Variants in ITGB3 observed in about 807,000 individuals in gnomAD.
ITGB3 encodes integrin subunit beta 3.
ITGB3 carries 48 observed loss-of-function variants against 85.8 expected under a neutral mutation model. The ratio of observed to expected loss-of-function variants is 0.56; its 90% confidence interval spans 0.44 to 0.71. The LOEUF is 0.71. Ranked by LOEUF, ITGB3 falls within the 30% of genes least tolerant of loss-of-function variation. The pLI is 0.00. For synonymous variants in ITGB3, 363 were observed against 395.6 expected (o/e 0.92, Z 0.98); for missense variants, 861 against 1,019.1 (o/e 0.84, Z 2.11).
intron 10 of ITGB3, among the ~76,000 whole-genome samples, chr17:47,298,734 G>A (rs546530405): frequency 1.3e-5 from 2 of 152,338 alleles, no homozygotes; most frequent in Admixed American, 6.5e-5. Context: ...ACCCAACTGG[G>A]TGGCCACGAT....
chr17:47,294,657 A>G (rs888210701), intron 10 of ITGB3, among the ~76,000 whole-genome samples: 5 of 152,162 alleles, frequency 3.3e-5, no homozygotes, highest in African/African-American at 9.7e-5. Context: ...TGCCATCATC[A>G]CATCCTCCAG....
intron 6 of ITGB3, among the ~76,000 whole-genome samples, chr17:47,288,059 C>T (rs2065110063): frequency 6.6e-6 from 1 of 151,522 alleles, no homozygotes; most frequent in African/African-American, 2.4e-5. Flanking sequence ...CTACCATGCC[C>T]AGCTAATTTT....
intron 10 of ITGB3, among the ~76,000 whole-genome samples, chr17:47,295,836 G>A (rs962612481): frequency 6.6e-6 from 1 of 152,194 alleles, no homozygotes; most frequent in Admixed American, 6.5e-5. Flanking sequence ...GAGGTTGGCC[G>A]ATAGCAGCTC....
chr17:47,288,226 G>A (rs2065111161), intron 6 of ITGB3, among the ~76,000 whole-genome samples: 3 of 140,810 alleles, frequency 2.1e-5, no homozygotes, highest in Admixed American at 7.2e-5. Flanking sequence ...GAGAGAGAGA[G>A]AGAGAGAGAG....
intron 1 of ITGB3, among the ~76,000 whole-genome samples, chr17:47,272,297 G>T (rs1035914194): frequency 6.7e-6 from 1 of 149,420 alleles, no homozygotes; most frequent in Admixed American, 6.6e-5. Flanking sequence ...CTCGTGATCC[G>T]CCGGTCTCGG....
chr17:47,299,192 A>C lies in ITGB3; in HGVS notation c.1691-116A>C. ...CTGGGTGGTGAGCCAATTCCCTGCC[A>C]ACCTGGAGGATCATTATCTGTGTGG... On this transcript the variant is annotated intron_variant, in intron 10 of 14. Transcript: ENST00000559488. The surrounding 1 kb of genome is among the most constrained non-coding windows in gnomAD (Gnocchi z 5.1). 1 of 1,057,496 alleles carries C rather than the reference A, an allele frequency of 9.5e-7. No individual in the cohort carries two copies. The highest frequency in any genetic ancestry group is 2.5e-5 in the East Asian group (1 of 40,152). The allele number at this position is 1,057,496 out of a possible 1,614,324, so 65.5% of individuals were successfully genotyped here. A position where few individuals can be genotyped will look rare whatever the true frequency, so the allele number is the denominator to read the frequency against.
At chr17:47,281,320 T>C (rs1214096860) in intron 2 of ITGB3, among the ~76,000 whole-genome samples, 1 of 152,140 alleles carries the variant, frequency 6.6e-6, no homozygotes, top group Non-Finnish European at 1.5e-5. Context: ...CGGGAGGGGT[T>C]TTCCAGCTTC....
At chr17:47,266,593 T>C (rs1567759965) in intron 1 of ITGB3, among the ~76,000 whole-genome samples, 2 of 152,190 alleles carry the variant, frequency 1.3e-5, no homozygotes, top group Non-Finnish European at 2.9e-5. Flanking sequence ...AAAAAACTTT[T>C]TTGAGGCAGG....
In ITGB3 at chr17:47,307,647, G is replaced by A. The variant is rs372761138; in HGVS notation, c.2301+10G>A. ...AGCAAAATGGGACACAGTAAGAGAC[G>A]GGGCTGGGCGTTTTCTAAAGTCATT... On this transcript the variant is annotated intron_variant, in intron 14 of 14. Transcript: ENST00000559488. 1.6e-5 allele frequency: 26 copies of A among 1,613,560 alleles called. No individual in the cohort carries two copies. In the African/African-American group the frequency reaches 2.1e-4, roughly 13 times the overall value.
intron 13 of ITGB3, chr17:47,303,844 C>A (rs938783487): frequency 2.0e-5 from 3 of 152,150 alleles, no homozygotes; most frequent in Admixed American, 6.6e-5. Context: ...TGCCAGTAGA[C>A]CCCTTCCCCC....
At chr17:47,298,860 C>T (rs1043416863) in intron 10 of ITGB3, among the ~76,000 whole-genome samples, 1 of 152,158 alleles carries the variant, frequency 6.6e-6, no homozygotes, top group Non-Finnish European at 1.5e-5. Flanking sequence ...CAAGTCACAC[C>T]GTCAAGGCTA....
intron 1 of ITGB3, among the ~76,000 whole-genome samples, chr17:47,255,483 G>T (rs2064985870): frequency 6.6e-6 from 1 of 151,788 alleles, no homozygotes; most frequent in Non-Finnish European, 1.5e-5. Context: ...GTGCAGTGGC[G>T]CGATTTCAGC....
At chr17:47,304,565 G>C (rs1414490547) in intron 13 of ITGB3, among the ~76,000 whole-genome samples, 2 of 152,244 alleles carry the variant, frequency 1.3e-5, no homozygotes, top group East Asian at 1.9e-4. Context: ...CTGAAATTCA[G>C]ATTTGTCTTG....
At chr17:47,269,141 A>G (rs942964553) in intron 1 of ITGB3, among the ~76,000 whole-genome samples, 5 of 152,198 alleles carry the variant, frequency 3.3e-5, no homozygotes, top group African/African-American at 1.2e-4. Flanking sequence ...CATAGCAGGG[A>G]GGCCCTGGGC....
Position 47,310,847 on chromosome 17 carries a change from G to C in ITGB3, c.*643G>C, listed in dbSNP as rs1598704994. 1 of 163,848 alleles carries C rather than the reference G, an allele frequency of 6.1e-6. No individual in the cohort carries two copies. The allele number at this position is 163,848 out of a possible 1,614,324, so 10.1% of individuals were successfully genotyped here. A position where few individuals can be genotyped will look rare whatever the true frequency, so the allele number is the denominator to read the frequency against. Reference sequence around the variant, plus strand: ...CAACCCAGCTATGGTTCTCTCGCAAGGGAAGTCCTTGCAAGCTAATTCTTT... The same window carrying C: ...CAACCCAGCTATGGTTCTCTCGCAACGGAAGTCCTTGCAAGCTAATTCTTT... On this transcript the variant is annotated 3_prime_UTR_variant, in exon 15 of 15. Transcript: ENST00000559488.
In ITGB3 at chr17:47,289,726, A is replaced by G. The variant is rs201550717; in HGVS notation, c.985A>G (p.Asn329Asp). The G allele has an allele frequency of 1.0e-4, 161 of 1,614,018 alleles. 1 individual carries two copies. In the Middle Eastern group the frequency reaches 3.1e-3, roughly 31 times the overall value. ...GATGACTGAGAAGCTATCCCAGAAA[A>G]ACATCAATTTGATCTTTGCAGTGAC... The part of the protein sequence containing the change: ...GLMTEKLSQK[N>D]INLIFAVTEN... The change falls in exon 7 of 15, where the codon AAC (asparagine) becomes GAC (aspartate). Residue 329 changes from asparagine (N) to aspartate (D), a missense_variant. Physicochemically the swap from Asn to Asp is conservative, Grantham distance 23. Coordinates refer to ENST00000559488, the MANE Select transcript of ITGB3 (RefSeq NM_000212.3).
chr17:47,261,955 A>G (rs1370913678), intron 1 of ITGB3, among the ~76,000 whole-genome samples: 4 of 152,356 alleles, frequency 2.6e-5, no homozygotes, highest in Admixed American at 1.3e-4. Context: ...TACTTAACCA[A>G]TTCCCTGTTG....
intron 1 of ITGB3, among the ~76,000 whole-genome samples, chr17:47,270,782 T>C (rs2065041587): frequency 6.6e-6 from 1 of 152,206 alleles, no homozygotes; most frequent in Non-Finnish European, 1.5e-5. Flanking sequence ...TGAAGTTAGA[T>C]GGACTCAAGG....
intron 14 of ITGB3, among the ~76,000 whole-genome samples, chr17:47,308,897 A>G (rs892474839): frequency 6.6e-6 from 1 of 152,048 alleles, no homozygotes; most frequent in Non-Finnish European, 1.5e-5. Flanking sequence ...TCCTGATAAC[A>G]TGACAGTTTG....
Sources: gnomAD v4.1 joint callset for allele counts (sites outside exome capture counted in the v4.1 genomes callset) on GRCh38, gnomAD v4.1.1 for gene constraint, Gnocchi (gnomAD v3.1) non-coding constraint, MANE v1.5 for transcripts, NCBI Gene and HGNC (gene_info 2026-07-23, HGNC 2026-07-21) for gene names.